SLC5A10: variants seen among roughly 807,000 people sequenced by gnomAD.
SLC5A10 encodes solute carrier family 5 member 10.
A neutral mutation model predicts 68.9 loss-of-function variants in SLC5A10; 55 were observed. The ratio of observed to expected loss-of-function variants is 0.80; its 90% CI spans 0.64 to 1.00. SLC5A10 has a LOEUF of 1.00. SLC5A10 is among the 50% of genes least tolerant of loss of function. SLC5A10 has a pLI of 0.00. For synonymous variants in SLC5A10, 344 were observed against 344.8 expected (o/e 1.00, Z 0.02); for missense variants, 732 against 819.3 (o/e 0.89, Z 1.30).
chr17:18,984,895 G>C (rs911196680), intron 9 of SLC5A10, among the ~76,000 whole-genome samples: 2 of 152,238 alleles, frequency 1.3e-5, no homozygotes, highest in Non-Finnish European at 2.9e-5. Flanking sequence ...CACTGGGGCC[G>C]GCCAGGGCAA....
rs2472710 is a variant in SLC5A10, at chr17:19,011,254, C to A, written c.983-2156C>A. On this transcript the variant is annotated intron_variant, in intron 9 of 14. Transcript: ENST00000395645. Reference sequence around the variant, plus strand: ...GGGAGAGTCAGGGAAGGCCTCAGAGCACAAGCCCTTTGCAATGGGCCTTGA... The same window carrying A: ...GGGAGAGTCAGGGAAGGCCTCAGAGAACAAGCCCTTTGCAATGGGCCTTGA... Among the ~76,000 whole-genome samples, 20 of 152,192 alleles carry A rather than the reference C, an allele frequency of 1.3e-4. 1 individual carries two copies. In the South Asian group the frequency reaches 4.1e-3, roughly 32 times the overall value.
At chr17:18,957,545 T>A (rs2042528138) in intron 1 of SLC5A10, among the ~76,000 whole-genome samples, 1 of 152,180 alleles carries the variant, frequency 6.6e-6, no homozygotes, top group African/African-American at 2.4e-5. Context: ...CTCGGCTCAC[T>A]GCAACCTCCA....
intron 9 of SLC5A10, among the ~76,000 whole-genome samples, chr17:19,002,666 G>A (rs888130582): frequency 1.3e-4 from 20 of 152,316 alleles, no homozygotes; most frequent in African/African-American, 2.2e-4. Flanking sequence ...AGGTACTTAC[G>A]TGCAGCAGGC....
intron 5 of SLC5A10, among the ~76,000 whole-genome samples, chr17:18,963,217 AG>A (rs1421612569): frequency 1.3e-5 from 2 of 152,174 alleles, no homozygotes; most frequent in Non-Finnish European, 2.9e-5. Context: ...GTGAAGTGGG[AG>A]GACCTTAGAA....
chr17:19,006,969 T>C (rs1317314049), intron 9 of SLC5A10, among the ~76,000 whole-genome samples: 1 of 152,216 alleles, frequency 6.6e-6, no homozygotes, highest in African/African-American at 2.4e-5. Flanking sequence ...CTTTTGATTA[T>C]TACAAATAAC....
intron 7 of SLC5A10, 82 bp downstream of exon 7, chr17:18,969,504 G>A: frequency 7.5e-7 from 1 of 1,330,816 alleles, no homozygotes. Flanking sequence ...CACTGTGCAG[G>A]ATTCATGCCG....
At chr17:19,010,435 C>A (rs188011039) in intron 9 of SLC5A10, among the ~76,000 whole-genome samples, 8 of 152,278 alleles carry the variant, frequency 5.3e-5, no homozygotes, top group African/African-American at 1.9e-4. Flanking sequence ...CCAGTTCTCA[C>A]TGCCCCCAGC....
chr17:18,978,044 T>C (rs2043028139), intron 9 of SLC5A10: 2 of 1,527,612 alleles, frequency 1.3e-6, no homozygotes, highest in South Asian at 1.3e-5. Context: ...GGGTAGCCTA[T>C]GGTCTGTCCC....
chr17:19,012,838 C>A (rs533367002), intron 9 of SLC5A10, among the ~76,000 whole-genome samples: 31 of 152,336 alleles, frequency 2.0e-4, no homozygotes, highest in Admixed American at 1.9e-3. Context: ...GACCCCACGT[C>A]CTAAGCCAGG....
intron 5 of SLC5A10, among the ~76,000 whole-genome samples, chr17:18,966,197 T>G (rs529851943): frequency 6.6e-6 from 1 of 152,056 alleles, no homozygotes; most frequent in African/African-American, 2.4e-5. Context: ...TTGTGCAGGG[T>G]GAATGTGGGG....
At position 18,991,719 on chromosome 17, in the gene SLC5A10, G is replaced by A. The variant is rs556094194; in HGVS notation, c.982+14730G>A. 1.5e-3 allele frequency among the ~76,000 whole-genome samples: 221 copies of A among 152,316 alleles called. 5 individuals are homozygous for A. In the South Asian group the frequency reaches 0.043, roughly 30 times the overall value. ...CACCCCAGGTACCGTTGTCAAAGCC[G>A]ACGGGCAGCTCCCAGCCCAGCAGCC... On this transcript the variant is annotated intron_variant, in intron 9 of 14. Transcript: ENST00000395645.
intron 9 of SLC5A10, among the ~76,000 whole-genome samples, chr17:19,006,589 T>A (rs779820222): frequency 3.9e-5 from 6 of 152,100 alleles, no homozygotes; most frequent in Non-Finnish European, 8.8e-5. Flanking sequence ...ACAACCTTAT[T>A]ATGTGTATAG....
chr17:18,979,691 A>G (rs2043080770), intron 9 of SLC5A10: 1 of 1,612,554 alleles, frequency 6.2e-7, no homozygotes. Flanking sequence ...GGGAACCAAG[A>G]GACAGAATTA....
intron 1 of SLC5A10, among the ~76,000 whole-genome samples, chr17:18,958,154 T>G (rs1305243194): frequency 6.6e-6 from 1 of 152,232 alleles, no homozygotes; most frequent in Non-Finnish European, 1.5e-5. Flanking sequence ...CACTGCAGCA[T>G]CCACCTCCTG....
intron 9 of SLC5A10, among the ~76,000 whole-genome samples, chr17:18,989,994 G>A (rs11649710): frequency 1.3e-5 from 2 of 152,212 alleles, no homozygotes; most frequent in Admixed American, 6.5e-5. Flanking sequence ...GGGACTCCCA[G>A]AACTCCAAGG....
rs764315647 is a variant in SLC5A10, at chr17:19,003,526, T to C, written c.983-9884T>C. ...AGTCCCCGCGCTGCCTCACCTTCTGTGCCTGGCTGATCATCTTCCGCACCA... is the reference window on the plus strand; with the variant it reads ...AGTCCCCGCGCTGCCTCACCTTCTGCGCCTGGCTGATCATCTTCCGCACCA... On this transcript the variant is annotated intron_variant, in intron 9 of 14. Transcript: ENST00000395645. The surrounding 1 kb of genome is among the most constrained non-coding windows in gnomAD (Gnocchi z 4.5). The C allele has an allele frequency of 1.3e-6, 2 of 1,535,312 alleles. No individual in the cohort carries two copies. The highest frequency in any genetic ancestry group is 1.8e-6 in the Non-Finnish European group (2 of 1,140,186).
At chr17:18,992,024 T>C (rs932762070) in intron 9 of SLC5A10, among the ~76,000 whole-genome samples, 2 of 152,034 alleles carry the variant, frequency 1.3e-5, no homozygotes, top group Non-Finnish European at 2.9e-5. Flanking sequence ...ATGTGGGCAC[T>C]CCTCCAGTGA....
At chr17:19,020,115 A>G in intron 13 of SLC5A10, 40 bp from the exon 14 acceptor site, 1 of 272,728 alleles carries the variant, frequency 3.7e-6, no homozygotes, top group Non-Finnish European at 6.6e-6. Context: ...CCACCCTGCC[A>G]TCCCCCACCC....
chr17:19,019,966 A>G (rs2044229731), intron 13 of SLC5A10, 38 bp downstream of exon 13: 1 of 1,548,706 alleles, frequency 6.5e-7, no homozygotes, highest in Non-Finnish European at 8.8e-7. Context: ...ACCCCTAACA[A>G]TTTCTTACTC....
Sources: allele counts gnomAD v4.1 joint callset (sites outside exome capture counted in the v4.1 genomes callset), GRCh38; gene constraint gnomAD v4.1.1; non-coding constraint Gnocchi (gnomAD v3.1); transcripts MANE v1.5; gene names NCBI Gene and HGNC (gene_info 2026-07-23, HGNC 2026-07-21).